Variants in POLE observed in about 807,000 individuals in gnomAD.
POLE encodes DNA polymerase epsilon catalytic subunit A.
POLE carries 188 observed loss-of-function variants against 279.2 expected under a neutral mutation model. The ratio of observed to expected loss-of-function variants is 0.67; its 90% CI spans 0.60 to 0.76. The LOEUF is 0.76. POLE is among the 30% of genes least tolerant of loss of function. The pLI, the probability that POLE is intolerant of heterozygous loss-of-function variation, is 0.00. For synonymous variants in POLE, 1,214 were observed against 1,172.5 expected, an observed-to-expected ratio of 1.04 and a Z score of -0.72; for missense variants, 2,703 against 3,016.7, an observed-to-expected ratio of 0.90 and a Z score of 2.44.
intron 32 of POLE, among the ~76,000 whole-genome samples, chr12:132,648,322 T>C (rs1029658421): frequency 7.0e-6 from 1 of 142,802 alleles, no homozygotes; most frequent in African/African-American, 2.6e-5. Context: ...TTTGGAGTGA[T>C]GAAAATATCC....
chr12:132,657,905 A>C lies in POLE; in HGVS notation c.3341T>G (p.Leu1114Arg). Residue 1114 changes from leucine to arginine, a missense_variant, in exon 27 of 49, where the codon CTC becomes CGC. By Grantham distance (102) the Leu-to-Arg change is moderately radical. This residue lies in a region of POLE where 1,551 missense variants were observed against 1,686.1 expected (regional missense o/e 0.92). Transcript: ENST00000320574. ...TVRKHFLRKW[L>R]KSSSLQDFDI... is the part of the protein sequence containing the mutation. ...AAAGTCTTGAAGGGAAGAGCTCTTG[A>C]GCCATTTCCGGAGAAAGTGCTTCCT... The C allele has an allele frequency of 6.2e-7, 1 of 1,614,108 alleles. No individual in the cohort carries two copies. Among genetic ancestry groups the C allele is most frequent in the Non-Finnish European group, 8.5e-7 (1 of 1,179,926 alleles).
chr12:132,633,891 G>C, intron 43 of POLE: 1 of 311,290 alleles, frequency 3.2e-6, no homozygotes, highest in Non-Finnish European at 5.9e-6. Flanking sequence ...ATCAGATGGC[G>C]GGAGCAGAGC....
intron 29 of POLE, among the ~76,000 whole-genome samples, chr12:132,654,467 G>A (rs1023254719): frequency 1.3e-5 from 2 of 152,042 alleles, no homozygotes; most frequent in Non-Finnish European, 2.9e-5. Flanking sequence ...GATACTGTCC[G>A]TTCCATCTAT....
rs1337524033 is a variant in POLE, at chr12:132,664,071, G to A, written c.2639C>T (p.Thr880Met). The A allele has an allele frequency of 3.0e-5, 49 of 1,614,206 alleles. No homozygotes were observed. The highest frequency in any genetic ancestry group is 2.3e-4 in the Admixed American group (14 of 60,030). Residue 880 changes from threonine (T) to methionine (M), a missense_variant, in exon 23 of 49, where the codon ACG (threonine) becomes ATG (methionine). Physicochemically the swap from Thr to Met is moderately conservative, Grantham distance 81. Around this residue, in one of 5 missense-constraint regions of POLE, gnomAD observed 101 missense variants for 115.4 expected, o/e 0.87. Coordinates refer to ENST00000320574, the MANE Select transcript of POLE (RefSeq NM_006231.4). This position sits in a 1 kb window ranked among gnomAD's most constrained non-coding sequence, Gnocchi z 5.3. ...NSFPENFVFK[T>M]TNVKKPKVTI... ...CACTTTGGGCTTCTTCACATTGGTC[G>A]TCTTGAAGACAAAATTTTCTGGGAA...
intron 42 of POLE, among the ~76,000 whole-genome samples, chr12:132,635,021 AGGGC>A (rs1239613848): frequency 6.6e-6 from 1 of 152,074 alleles, no homozygotes; most frequent in Non-Finnish European, 1.5e-5. Context: ...GTCCTTACAA[AGGGC>A]TTTCCCTCTG....
Position 132,672,709 on chromosome 12 carries a change from T to C in POLE, c.1604A>G (p.Asp535Gly), listed in dbSNP as rs2042958290. ...GTGGCCCCCGACGTAGGTCTCAGAG[T>C]CCAGCACGTGTCCGTCGTCCGTCAG... ...NKLTDDGHVLDSETYVGGHVE... is the reference protein window; with the variant it reads ...NKLTDDGHVLGSETYVGGHVE... The change falls in exon 15 of 49, where the codon GAC (aspartate) becomes GGC (glycine). Residue 535 changes from aspartate to glycine, a missense_variant. By Grantham distance (94) the Asp-to-Gly change is moderately conservative. This residue lies in a region of POLE where 1,011 missense variants were observed against 1,111.7 expected (regional missense o/e 0.91). Transcript: ENST00000320574. 1 of 1,613,824 alleles carries C rather than the reference T, an allele frequency of 6.2e-7. No homozygotes were observed. The highest frequency in any genetic ancestry group is 8.5e-7 in the Non-Finnish European group (1 of 1,179,994).
In POLE at chr12:132,668,538, G is replaced by A. The variant is rs1473448968; in HGVS notation, c.2027-36C>T. On this transcript the variant is annotated intron_variant, in intron 18 of 48. Transcript: ENST00000320574. This position sits in a 1 kb window ranked among gnomAD's most constrained non-coding sequence, Gnocchi z 4.0. ...GGCAATGGGGGCAAGTTCAAAAGGA[G>A]GCACAGACACACCGGCTTCCCACCA... The A allele has an allele frequency of 4.4e-6, 7 of 1,581,194 alleles. No individual in the cohort carries two copies. The highest frequency in any genetic ancestry group is 6.0e-6 in the Non-Finnish European group (7 of 1,158,956).
At chr12:132,685,869 G>T (rs556100012) in intron 1 of POLE, among the ~76,000 whole-genome samples, 4 of 151,380 alleles carry the variant, frequency 2.6e-5, no homozygotes, top group African/African-American at 9.7e-5. Context: ...GTTCTCACAC[G>T]TTTTTTCTAT....
At chr12:132,670,266 C>A (rs1160067724) in intron 16 of POLE, among the ~76,000 whole-genome samples, 1 of 151,438 alleles carries the variant, frequency 6.6e-6, no homozygotes, top group Non-Finnish European at 1.5e-5. Context: ...ATCCCAGCTA[C>A]TCAGGAGGCT....
At chr12:132,676,764 G>T in intron 8 of POLE, 111 bp from the exon 9 acceptor site, 1 of 708,964 alleles carries the variant, frequency 1.4e-6, no homozygotes, top group Non-Finnish European at 2.5e-6. Flanking sequence ...AGAGTCAAAA[G>T]GCTCTAGAGC....
At position 132,643,006 on chromosome 12, in the gene POLE, C is replaced by A. The variant is rs5744946; in HGVS notation, c.4552-10G>T. 3.6e-3 allele frequency: 5,644 copies of A among 1,582,118 alleles called. 137 individuals are homozygous for A. In the African/African-American group the frequency reaches 0.058, roughly 16 times the overall value. ...TCTGGTTGCTGCGCACCTAGACCAACGCAGGCCACGTCAGCCTCCCCCTGC... is the reference window on the plus strand; with the variant it reads ...TCTGGTTGCTGCGCACCTAGACCAAAGCAGGCCACGTCAGCCTCCCCCTGC... On this transcript the variant is annotated splice_polypyrimidine_tract_variant and intron_variant, in intron 35 of 48. Coordinates refer to ENST00000320574, the MANE Select transcript of POLE (RefSeq NM_006231.4).
intron 23 of POLE, among the ~76,000 whole-genome samples, chr12:132,662,544 T>C (rs1034312989): frequency 2.0e-5 from 3 of 152,172 alleles, no homozygotes; most frequent in African/African-American, 7.2e-5. Flanking sequence ...ACTAGAGACA[T>C]ACTTCCTGGC....
intron 1 of POLE, 22 bp downstream of exon 1, chr12:132,687,232 G>A (rs1593098781): frequency 2.8e-6 from 4 of 1,454,026 alleles, no homozygotes; most frequent in Non-Finnish European, 3.6e-6. Flanking sequence ...CGGCCCGAGA[G>A]CCTCAGGAGG....
At chr12:132,625,334 C>A (rs756447247) in intron 47 of POLE, 1 of 725,984 alleles carries the variant, frequency 1.4e-6, no homozygotes, top group Non-Finnish European at 2.5e-6. Flanking sequence ...AGATGCCCCT[C>A]GGCAAGACCT....
chr12:132,644,323 CTTTTTTTTTTTT>C (rs57257940), intron 32 of POLE, among the ~76,000 whole-genome samples: 50 of 107,708 alleles, frequency 4.6e-4, no homozygotes, highest in Middle Eastern at 0.01. Context: ...CCACGGATGG[CTTTTTTTTTTTT>C]TTTTTTTTTT....
In POLE at chr12:132,626,264, G is replaced by T. The variant is rs758101414; in HGVS notation, c.6384C>A (p.Asp2128Glu). 7.4e-6 allele frequency: 12 copies of T among 1,613,816 alleles called. No individual in the cohort carries two copies. The highest frequency in any genetic ancestry group is 1.0e-5 in the Non-Finnish European group (12 of 1,180,056). Residue 2128 changes from aspartate to glutamate, a missense_variant, in exon 46 of 49, where the codon GAC (aspartate) becomes GAA (glutamate). Coordinates refer to ENST00000320574, the MANE Select transcript of POLE (RefSeq NM_006231.4). ...ITNQVNKLNR[D>E]LLRLVDVGEF... Reference sequence around the variant, plus strand: ...CGCCGACATCCACCAGGCGAAGCAGGTCTCGGTTCAGCTTATTCACCTGGT... The same window carrying T: ...CGCCGACATCCACCAGGCGAAGCAGTTCTCGGTTCAGCTTATTCACCTGGT...
At chr12:132,653,834 A>T (rs985609421) in intron 29 of POLE, among the ~76,000 whole-genome samples, 1 of 139,718 alleles carries the variant, frequency 7.2e-6, no homozygotes, top group Non-Finnish European at 1.5e-5. Context: ...GAAACATCTC[A>T]TCTATTCTGA....
At chr12:132,658,381 T>C in intron 26 of POLE, 1 of 176,098 alleles carries the variant, frequency 5.7e-6, no homozygotes, top group Non-Finnish European at 1.2e-5. Flanking sequence ...AACGCATGCG[T>C]GCGTAAACAT....
chr12:132,672,678 C>T lies in POLE; in HGVS notation c.1635G>A (p.Glu545=), dbSNP rs1238295058. Residue 545 remains glutamate, a synonymous_variant, in exon 15 of 49, where the codon GAG becomes GAA. Coordinates refer to ENST00000320574, the MANE Select transcript of POLE (RefSeq NM_006231.4). ...TGCGGAAAACCCCAGACTCGAGGGC[C>T]TCCACGTGGCCCCCGACGTAGGTCT... is the stretch of plus-strand genomic sequence containing the variant. The part of the protein sequence containing the change: ...DSETYVGGHV[E]ALESGVFRSD... 2 of 1,614,144 alleles carry T rather than the reference C, an allele frequency of 1.2e-6. No individual in the cohort carries two copies. Among genetic ancestry groups the T allele is most frequent in the Non-Finnish European group, 1.7e-6 (2 of 1,180,042 alleles).
Sources: allele counts gnomAD v4.1 joint callset (sites outside exome capture counted in the v4.1 genomes callset), GRCh38; gene constraint gnomAD v4.1.1; regional missense constraint gnomAD v4.1.1; non-coding constraint Gnocchi (gnomAD v3.1); transcripts MANE v1.5; gene names NCBI Gene and HGNC (gene_info 2026-07-23, HGNC 2026-07-21).